The following SLCO1B1 variants were observed in gnomAD, a reference collection of about 807,000 sequenced individuals.
SLCO1B1 encodes the protein OATP-2.
A neutral mutation model predicts 70.1 loss-of-function variants in SLCO1B1; 81 were observed. The ratio of observed to expected loss-of-function variants is 1.16; its 90% CI spans 0.97 to 1.39. The LOEUF is 1.39. Ranked by LOEUF, SLCO1B1 falls within the 40% of genes most tolerant of loss-of-function variation. The pLI, the probability that SLCO1B1 is intolerant of heterozygous loss-of-function variation, is 0.00. For missense variants in SLCO1B1, 895 were observed against 799.6 expected (o/e 1.12, Z -1.44); for synonymous variants, 283 against 271.5 (o/e 1.04, Z -0.42).
chr12:21,134,860 TCTTGC>T (rs1940195842), intron 1 of SLCO1B1, among the ~76,000 whole-genome samples: 1 of 152,216 alleles, frequency 6.6e-6, no homozygotes, highest in South Asian at 2.1e-4. Flanking sequence ...GGTAGTTATT[TCTTGC>T]CTTCTGCTAG....
At chr12:21,231,642 T>A (rs1368682272) in intron 14 of SLCO1B1, among the ~76,000 whole-genome samples, 1 of 151,896 alleles carries the variant, frequency 6.6e-6, no homozygotes, top group Non-Finnish European at 1.5e-5. Flanking sequence ...TATAGATATA[T>A]ACACACACAG....
intron 2 of SLCO1B1, among the ~76,000 whole-genome samples, chr12:21,148,315 TTTG>T (rs1940415862): frequency 2.6e-5 from 4 of 152,174 alleles, no homozygotes; most frequent in Admixed American, 2.0e-4. Context: ...TTGCCTAGGT[TTTG>T]TTCTAGGGTT....
At chr12:21,174,038 T>A (rs939531084) in intron 3 of SLCO1B1, among the ~76,000 whole-genome samples, 1 of 152,114 alleles carries the variant, frequency 6.6e-6, no homozygotes, top group South Asian at 2.1e-4. Context: ...ATTACAGGTG[T>A]GAGCCACCAT....
intron 14 of SLCO1B1, among the ~76,000 whole-genome samples, chr12:21,235,884 C>G (rs1170663805): frequency 3.3e-5 from 5 of 152,084 alleles, no homozygotes; most frequent in Non-Finnish European, 7.4e-5. Context: ...CCAGTCTCTT[C>G]TAGCTTGTAA....
chr12:21,146,178 G>A (rs1940379695), intron 2 of SLCO1B1, among the ~76,000 whole-genome samples: 1 of 152,070 alleles, frequency 6.6e-6, no homozygotes, highest in South Asian at 2.1e-4. Flanking sequence ...AAATTGGGTA[G>A]ATCGTGTCTT....
rs58103058 is a variant in SLCO1B1, at chr12:21,226,203, C to T, written c.1865+1364C>T. Among the ~76,000 whole-genome samples, 1,509 of 152,048 alleles carry T rather than the reference C, an allele frequency of 9.9e-3. 38 individuals carry two copies. Among genetic ancestry groups the T allele is most frequent in the African/African-American group, 0.035 (1,455 of 41,462 alleles). ...GCCAAGGTGGGAGGATTCATGAGGC[C>T]AGGATTTCAAGACCAGCCTGGACAA... On this transcript the variant is annotated intron_variant, in intron 14 of 14. Coordinates refer to ENST00000256958, the MANE Select transcript of SLCO1B1 (RefSeq NM_006446.5).
At position 21,239,268 on chromosome 12, in the gene SLCO1B1, G is replaced by A; in HGVS notation, c.*79G>A. On this transcript the variant is annotated 3_prime_UTR_variant, in exon 15 of 15. Coordinates refer to ENST00000256958, the MANE Select transcript of SLCO1B1 (RefSeq NM_006446.5). ...TTCAGTAAGATGTTATTTTTGAGGA[G>A]TTCCTGGTCCTTTCACTAAGAATTT... 1.0e-6 allele frequency: 1 copy of A among 995,108 alleles called. No individual in the cohort carries two copies. Among genetic ancestry groups the A allele is most frequent in the Non-Finnish European group, 1.6e-6 (1 of 620,726 alleles). The allele number at this position is 995,108 out of a possible 1,614,324, so 61.6% of individuals were successfully genotyped here. A position where few individuals can be genotyped will look rare whatever the true frequency, so the allele number is the denominator to read the frequency against.
chr12:21,231,565 A>C lies in SLCO1B1; in HGVS notation c.1865+6726A>C, dbSNP rs184467611. ...AGGAAATAATTCACTCAAGTGAGAAAAATAAATAAATAAAAACTTCTCAAA... is the reference window on the plus strand; with the variant it reads ...AGGAAATAATTCACTCAAGTGAGAACAATAAATAAATAAAAACTTCTCAAA... On this transcript the variant is annotated intron_variant, in intron 14 of 14. Coordinates refer to ENST00000256958, the MANE Select transcript of SLCO1B1 (RefSeq NM_006446.5). 1.7e-3 allele frequency among the ~76,000 whole-genome samples: 235 copies of C among 136,676 alleles called. 3 individuals are homozygous for C. The highest frequency in any genetic ancestry group is 6.4e-3 in the African/African-American group (233 of 36,286). 89.7% of individuals were successfully genotyped at this position (136,676 alleles called of 152,430 possible).
At chr12:21,207,329 C>A (rs1301590990) in intron 11 of SLCO1B1, among the ~76,000 whole-genome samples, 5 of 151,840 alleles carry the variant, frequency 3.3e-5, no homozygotes, top group Non-Finnish European at 7.4e-5. Context: ...TGTATTTTTC[C>A]TGTCCTTATA....
intron 4 of SLCO1B1, among the ~76,000 whole-genome samples, chr12:21,175,108 A>G (rs989422924): frequency 2.0e-5 from 3 of 152,188 alleles, no homozygotes; most frequent in African/African-American, 7.2e-5. Context: ...CTGTGTAGTT[A>G]TAATTACAGT....
chr12:21,183,089 A>C (rs1009984433), intron 7 of SLCO1B1, among the ~76,000 whole-genome samples: 30 of 152,264 alleles, frequency 2.0e-4, no homozygotes, highest in African/African-American at 6.5e-4. Flanking sequence ...TGCCACAAGC[A>C]CTGTTGTAAA....
At chr12:21,178,803 T>C in intron 6 of SLCO1B1, 81 bp downstream of exon 6, 1 of 1,409,742 alleles carries the variant, frequency 7.1e-7, no homozygotes, top group Non-Finnish European at 1.0e-6. Context: ...AAACTTATTA[T>C]TTTACCTATT....
intron 11 of SLCO1B1, among the ~76,000 whole-genome samples, chr12:21,208,914 G>A (rs1237749520): frequency 2.0e-5 from 3 of 151,512 alleles, no homozygotes; most frequent in African/African-American, 7.3e-5. Context: ...TATTGATTTG[G>A]GTATCAGTTT....
At chr12:21,140,754 A>G (rs1037336334) in intron 1 of SLCO1B1, among the ~76,000 whole-genome samples, 7 of 152,064 alleles carry the variant, frequency 4.6e-5, no homozygotes, top group African/African-American at 1.4e-4. Flanking sequence ...ATTTGCATTG[A>G]AAAGGAAAAT....
chr12:21,151,585 CTT>C (rs1434967505), intron 2 of SLCO1B1, among the ~76,000 whole-genome samples: 1 of 152,038 alleles, frequency 6.6e-6, no homozygotes, highest in East Asian at 1.9e-4. Flanking sequence ...TTTATGCTCA[CTT>C]ATTTCTCCTC....
At chr12:21,180,716 A>T (rs1940885279) in intron 7 of SLCO1B1, among the ~76,000 whole-genome samples, 1 of 152,168 alleles carries the variant, frequency 6.6e-6, no homozygotes, top group African/African-American at 2.4e-5. Flanking sequence ...TCAATTTTAG[A>T]CATATGCCTT....
intron 2 of SLCO1B1, among the ~76,000 whole-genome samples, chr12:21,142,518 T>C (rs1940325494): frequency 6.6e-6 from 1 of 151,972 alleles, no homozygotes; most frequent in South Asian, 2.1e-4. Context: ...AAATTTGTAG[T>C]CTTATACAGC....
chr12:21,176,910 A>T lies in SLCO1B1; in HGVS notation c.481+13A>T. The T allele has an allele frequency of 2.6e-6, 4 of 1,539,008 alleles. No homozygotes were observed. Among genetic ancestry groups the T allele is most frequent in the Non-Finnish European group, 2.7e-6 (3 of 1,111,974 alleles). On this transcript the variant is annotated intron_variant, in intron 5 of 14. Transcript: ENST00000256958. Reference sequence around the variant, plus strand: ...ATAGTGGGAAAAGGTAAGAATTAATATTGACAGTAAAAAGTCTTCTAAAAT... The same window carrying T: ...ATAGTGGGAAAAGGTAAGAATTAATTTTGACAGTAAAAAGTCTTCTAAAAT...
intron 12 of SLCO1B1, among the ~76,000 whole-genome samples, chr12:21,217,771 C>T (rs560156232): frequency 6.6e-6 from 1 of 152,200 alleles, no homozygotes; most frequent in Non-Finnish European, 1.5e-5. Flanking sequence ...TTTTATAATA[C>T]CCTTGTAGAA....
Sources: gnomAD v4.1 joint callset for allele counts (sites outside exome capture counted in the v4.1 genomes callset) on GRCh38, gnomAD v4.1.1 for gene constraint, MANE v1.5 for transcripts, NCBI Gene and HGNC (gene_info 2026-07-23, HGNC 2026-07-21) for gene names.